Variants in MICU3 observed in about 807,000 individuals in gnomAD.
MICU3 encodes calcium uptake protein 3, mitochondrial.
In MICU3, 62 loss-of-function variants were observed where a neutral mutation model predicts 66.5. The ratio of observed to expected loss-of-function variants is 0.93; its 90% CI spans 0.76 to 1.15. The LOEUF (loss-of-function observed/expected upper bound fraction) is 1.15. Ranked by LOEUF, MICU3 falls within the 50% of genes most tolerant of loss-of-function variation. The pLI, the probability that MICU3 is intolerant of heterozygous loss-of-function variation, is 0.00. For missense variants in MICU3, 779 were observed against 664.4 expected (o/e 1.17, Z -1.90); for synonymous variants, 308 against 240.7 (o/e 1.28, Z -2.59).
chr8:17,079,100 A>C (rs1002023562), intron 4 of MICU3, among the ~76,000 whole-genome samples: 2 of 152,084 alleles, frequency 1.3e-5, no homozygotes, highest in African/African-American at 4.8e-5. Flanking sequence ...TTAATCTGGA[A>C]GTCCTAGGTT....
intron 1 of MICU3, among the ~76,000 whole-genome samples, chr8:17,052,410 A>C (rs542613810): frequency 6.6e-6 from 1 of 152,202 alleles, no homozygotes; most frequent in South Asian, 2.1e-4. Flanking sequence ...TTTATTATTA[A>C]TTACAGTCAC....
At chr8:17,110,817 T>A (rs990870531) in intron 11 of MICU3, among the ~76,000 whole-genome samples, 2 of 152,160 alleles carry the variant, frequency 1.3e-5, no homozygotes, top group African/African-American at 4.8e-5. Flanking sequence ...CTTCAAGTGA[T>A]CCTCCCACCT....
At chr8:17,038,640 T>G (rs940476364) in intron 1 of MICU3, among the ~76,000 whole-genome samples, 1 of 152,170 alleles carries the variant, frequency 6.6e-6, no homozygotes, top group Non-Finnish European at 1.5e-5. Context: ...AGAGAAATTT[T>G]TTTTTCACAA....
chr8:17,042,931 A>ATTTTTTTTTTTTTT (rs996846253), intron 1 of MICU3, among the ~76,000 whole-genome samples: 2 of 82,158 alleles, frequency 2.4e-5, no homozygotes, highest in African/African-American at 5.8e-5. Flanking sequence ...ATTCAAAGTG[A>ATTTTTTTTTTTTTT]TTTTTTTTTT....
intron 1 of MICU3, among the ~76,000 whole-genome samples, chr8:17,044,229 T>G (rs959970455): frequency 6.6e-6 from 1 of 152,196 alleles, no homozygotes; most frequent in African/African-American, 2.4e-5. Context: ...GAAAGTTCAT[T>G]ATCTGAATGT....
intron 14 of MICU3, among the ~76,000 whole-genome samples, chr8:17,119,291 T>C (rs1349695857): frequency 6.6e-6 from 1 of 152,176 alleles, no homozygotes; most frequent in Non-Finnish European, 1.5e-5. Flanking sequence ...TATAACTTAT[T>C]ATTCCTTATC....
At chr8:17,071,123 A>C (rs1315145110) in intron 3 of MICU3, among the ~76,000 whole-genome samples, 1 of 151,264 alleles carries the variant, frequency 6.6e-6, no homozygotes, top group Non-Finnish European at 1.5e-5. Context: ...CTAAGCCTCA[A>C]ATAAGGGGGA....
chr8:17,037,367 C>A (rs11785521), intron 1 of MICU3, among the ~76,000 whole-genome samples: 1 of 152,120 alleles, frequency 6.6e-6, no homozygotes, highest in African/African-American at 2.4e-5. Context: ...ACTGCCAGCA[C>A]GCTGTCACCT....
chr8:17,116,510 C>G lies in MICU3; in HGVS notation c.1434C>G (p.Val478=). Reference sequence around the variant, plus strand: ...TTTCACCACATTTAGTGAACACTGTCTTCAAGATTTTTGATGTTGACAAAG... The same window carrying G: ...TTTCACCACATTTAGTGAACACTGTGTTCAAGATTTTTGATGTTGACAAAG... ...LKFSPHLVNT[V]FKIFDVDKDD... The change falls in exon 13 of 15, where the codon GTC becomes GTG. Residue 478 remains valine (V), a synonymous_variant. Coordinates refer to ENST00000318063, the MANE Select transcript of MICU3 (RefSeq NM_181723.3). 1.3e-6 allele frequency: 2 copies of G among 1,567,742 alleles called. No homozygotes were observed. The highest frequency in any genetic ancestry group is 1.7e-6 in the Non-Finnish European group (2 of 1,163,324).
At chr8:17,077,892 TA>T (rs781264663) in intron 4 of MICU3, 31 bp downstream of exon 4, 2 of 1,368,940 alleles carry the variant, frequency 1.5e-6, no homozygotes, top group Non-Finnish European at 2.1e-6. Context: ...GTTCTTTTTT[TA>T]AACTATATTA....
intron 8 of MICU3, among the ~76,000 whole-genome samples, chr8:17,097,883 G>A (rs1241273559): frequency 3.3e-5 from 5 of 151,648 alleles, no homozygotes; most frequent in African/African-American, 4.8e-5. Flanking sequence ...AAGTAGTACC[G>A]TAACCATTCA....
At chr8:17,078,318 C>G (rs186508576) in intron 4 of MICU3, among the ~76,000 whole-genome samples, 2 of 152,084 alleles carry the variant, frequency 1.3e-5, no homozygotes, top group African/African-American at 2.4e-5. Context: ...CTTTGACAGC[C>G]TAATTTGGAC....
chr8:17,058,693 A>G (rs1477473372), intron 1 of MICU3, among the ~76,000 whole-genome samples: 1 of 152,214 alleles, frequency 6.6e-6, no homozygotes. Flanking sequence ...CCTCTTTCTC[A>G]GAGTTTCCAG....
chr8:17,119,786 T>C (rs1803052290), intron 14 of MICU3, among the ~76,000 whole-genome samples: 1 of 152,154 alleles, frequency 6.6e-6, no homozygotes, highest in East Asian at 1.9e-4. Flanking sequence ...TGAGATCTAG[T>C]GTTTTATGGA....
At position 17,027,484 on chromosome 8, in the gene MICU3, G is replaced by T. The variant is rs1416547367; in HGVS notation, c.205G>T (p.Val69Leu). ...GCGGCGGCGCTGGGGGGAGCTGAGC[G>T]TGGCGGCGGCGGCCGGCGGGGGGCT... is the stretch of plus-strand genomic sequence containing the variant. Reference protein sequence around the residue: ...RRRRRWGELSVAAAAGGGLVG... With the variant: ...RRRRRWGELSLAAAAGGGLVG... The change falls in exon 1 of 15, where the codon GTG (valine) becomes TTG (leucine). Residue 69 changes from valine (V) to leucine (L), a missense_variant. By Grantham distance (32) the Val-to-Leu change is conservative. Transcript: ENST00000318063. The T allele has an allele frequency of 1.6e-6, 2 of 1,283,418 alleles. No individual in the cohort carries two copies. Among genetic ancestry groups the T allele is most frequent in the Non-Finnish European group, 2.0e-6 (2 of 1,019,654 alleles). 79.5% of individuals were successfully genotyped at this position (1,283,418 alleles called of 1,614,324 possible). A position where few individuals can be genotyped will look rare whatever the true frequency, so the allele number is the denominator to read the frequency against.
At chr8:17,117,614 T>TTC (rs1398316025) in intron 13 of MICU3, among the ~76,000 whole-genome samples, 2 of 150,514 alleles carry the variant, frequency 1.3e-5, no homozygotes, top group African/African-American at 4.9e-5. Context: ...ATCCTTTTTT[T>TTC]TTTTTTTTTT....
chr8:17,129,685 G>C, the MICU3 span, among the ~76,000 whole-genome samples: 1 of 152,172 alleles, frequency 6.6e-6, no homozygotes, highest in Non-Finnish European at 1.5e-5. Context: ...TACTGTAAGT[G>C]TAATTGGAGA....
At chr8:17,049,454 G>A (rs1815677171) in intron 1 of MICU3, among the ~76,000 whole-genome samples, 1 of 152,122 alleles carries the variant, frequency 6.6e-6, no homozygotes, top group African/African-American at 2.4e-5. Context: ...GTGGGCCAAG[G>A]GAAAAGGCAG....
chr8:17,075,625 T>G (rs1820270128), intron 3 of MICU3, among the ~76,000 whole-genome samples: 1 of 152,094 alleles, frequency 6.6e-6, no homozygotes. Flanking sequence ...AACAGAGAAG[T>G]CAAGATGAAT....
Sources: allele counts gnomAD v4.1 joint callset (sites outside exome capture counted in the v4.1 genomes callset), GRCh38; gene constraint gnomAD v4.1.1; transcripts MANE v1.5; gene names NCBI Gene and HGNC (gene_info 2026-07-23, HGNC 2026-07-21).